AEN: variants seen among roughly 807,000 people sequenced by gnomAD.
The protein encoded by AEN is apoptosis enhancing nuclease.
In AEN, 21 loss-of-function variants were observed where a neutral mutation model predicts 17.7. The observed-to-expected ratio is 1.19, with a 90% CI of 0.84 to 1.71. The LOEUF (loss-of-function observed/expected upper bound fraction) is 1.71, where lower values mean the gene tolerates loss of function less well. Among genes scored for constraint, AEN ranks in the 40% most tolerant of loss-of-function variants. The pLI is 0.00. For synonymous variants in AEN, 190 were observed against 173.0 expected (o/e 1.10, Z -0.77); for missense variants, 462 against 435.9 (o/e 1.06, Z -0.53).
In AEN at chr15:88,630,088, G is replaced by T; in HGVS notation, c.772G>T (p.Asp258Tyr). 1 of 1,614,104 alleles carries T rather than the reference G, an allele frequency of 6.2e-7. No homozygotes were observed. The highest frequency in any genetic ancestry group is 8.5e-7 in the Non-Finnish European group (1 of 1,180,034). The change falls in exon 4 of 4, where the codon GAT (aspartate) becomes TAT (tyrosine). Residue 258 changes from aspartate to tyrosine, a missense_variant. Coordinates refer to ENST00000332810, the MANE Select transcript of AEN (RefSeq NM_022767.4). This position sits in a 1 kb window ranked among gnomAD's most constrained non-coding sequence, Gnocchi z 5.1. The stretch of plus-strand genomic sequence containing the variant: ...CCAGCACGGGCACTCATCAGTAGAA[G>T]ATGCCACGACAGCCATGGAGCTCTA... ...VGQHGHSSVE[D>Y]ATTAMELYRL... is the part of the protein sequence containing the mutation.
intron 1 of AEN, among the ~76,000 whole-genome samples, chr15:88,625,283 G>A (rs907524885): frequency 6.6e-6 from 1 of 152,186 alleles, no homozygotes; most frequent in Non-Finnish European, 1.5e-5. Context: ...ACTTTGGGAG[G>A]CCGAAGTGGG....
chr15:88,606,003 G>T, the AEN span, among the ~76,000 whole-genome samples: 1 of 152,244 alleles, frequency 6.6e-6, no homozygotes, highest in South Asian at 2.1e-4. Context: ...GGATTTAGGT[G>T]TGGGATTCTA....
chr15:88,623,370 C>T (rs2057811713), intron 1 of AEN, among the ~76,000 whole-genome samples: 1 of 152,118 alleles, frequency 6.6e-6, no homozygotes, highest in African/African-American at 2.4e-5. Flanking sequence ...CAAATGCTGG[C>T]ATCATCAAAC....
At chr15:88,608,415 G>A in the AEN span, among the ~76,000 whole-genome samples, 311 of 152,242 alleles carry the variant, frequency 2.0e-3, 1 homozygote, top group African/African-American at 7.2e-3. Flanking sequence ...CTTCATTTTA[G>A]GAGATACTGT....
intron 1 of AEN, among the ~76,000 whole-genome samples, chr15:88,623,649 A>G (rs1297889443): frequency 6.6e-6 from 1 of 152,192 alleles, no homozygotes; most frequent in African/African-American, 2.4e-5. Flanking sequence ...AGAGGGATGA[A>G]TTTCTTTGCT....
At chr15:88,621,466 T>C (rs1008656298) in intron 1 of AEN, 84 bp downstream of exon 1, 2 of 152,454 alleles carry the variant, frequency 1.3e-5, no homozygotes, top group African/African-American at 2.4e-5. Flanking sequence ...CCGCGCGTTG[T>C]TTCCGCCCCG....
chr15:88,628,405 G>A (rs1052793274), intron 2 of AEN: 1 of 152,278 alleles, frequency 6.6e-6, no homozygotes, highest in South Asian at 2.1e-4. Flanking sequence ...GAGGGCTAGA[G>A]GGGGTTGCTG....
intron 1 of AEN, among the ~76,000 whole-genome samples, chr15:88,625,308 C>T (rs2057837516): frequency 6.6e-6 from 1 of 152,024 alleles, no homozygotes; most frequent in Non-Finnish European, 1.5e-5. Flanking sequence ...TCACTTGAGC[C>T]CAGTTTAAGA....
At position 88,621,369 on chromosome 15, in the gene AEN, A is replaced by G. The variant is rs1264292346; in HGVS notation, c.-78A>G. ...ACGCCACGTGCAGACCGGAAGAGAC[A>G]CGCGGGGCTTCAGGTGAGATCCAGG... On this transcript the variant is annotated 5_prime_UTR_variant, in exon 1 of 4. Transcript: ENST00000332810. 1 of 152,258 alleles carries G rather than the reference A, an allele frequency of 6.6e-6. No individual in the cohort carries two copies. The highest frequency in any genetic ancestry group is 1.5e-5 in the Non-Finnish European group (1 of 68,066). 9.4% of individuals were successfully genotyped at this position (152,258 alleles called of 1,614,324 possible). A position where few individuals can be genotyped will look rare whatever the true frequency, so the allele number is the denominator to read the frequency against.
Position 88,630,050 on chromosome 15 carries a change from G to C in AEN, c.742-8G>C, listed in dbSNP as rs768958876. ...TGCAGGCAGTGATGTGTTGGCTCTC[G>C]TCAGTAGGTGGGCCAGCACGGGCAC... is the stretch of plus-strand genomic sequence containing the variant. On this transcript the variant is annotated splice_polypyrimidine_tract_variant and splice_region_variant and intron_variant, in intron 3 of 3. Transcript: ENST00000332810. The surrounding 1 kb of genome is among the most constrained non-coding windows in gnomAD (Gnocchi z 5.1). The C allele has an allele frequency of 6.2e-7, 1 of 1,613,698 alleles. No homozygotes were observed. Among genetic ancestry groups the C allele is most frequent in the Non-Finnish European group, 8.5e-7 (1 of 1,179,904 alleles).
At chr15:88,617,725 T>C (rs1049699115), upstream of AEN, among the ~76,000 whole-genome samples, 5 of 152,064 alleles carry the variant, frequency 3.3e-5, no homozygotes, top group African/African-American at 4.8e-5. Flanking sequence ...ACTCATGGAT[T>C]CCCCTCTATG....
the AEN span, among the ~76,000 whole-genome samples, chr15:88,612,532 A>G: frequency 6.6e-6 from 1 of 152,134 alleles, no homozygotes; most frequent in Admixed American, 6.5e-5. Flanking sequence ...TGGCAGGAAT[A>G]CAATTAGAAT....
At chr15:88,624,893 C>G (rs1004668719) in intron 1 of AEN, among the ~76,000 whole-genome samples, 6 of 78,534 alleles carry the variant, frequency 7.6e-5, no homozygotes, top group Non-Finnish European at 1.3e-4. Flanking sequence ...CAAAAAATGC[C>G]AAGTTAAACC....
In AEN at chr15:88,626,385, C is replaced by T; in HGVS notation, c.176C>T (p.Pro59Leu). 2.5e-6 allele frequency: 4 copies of T among 1,612,544 alleles called. No individual in the cohort carries two copies. The highest frequency in any genetic ancestry group is 2.2e-5 in the East Asian group (1 of 44,842). ...GGGCTGCTGAGCATGCCTCCAGAAC[C>T]AGGGTCCTCCCCACTGCCCACCCCT... is the stretch of plus-strand genomic sequence containing the variant. The part of the protein sequence containing the change: ...EQGLLSMPPE[P>L]GSSPLPTPFG... Residue 59 changes from proline (P) to leucine (L), a missense_variant, in exon 2 of 4, where the codon CCA becomes CTA. Pro to Leu is a moderately conservative substitution (Grantham distance 98). Coordinates refer to ENST00000332810, the MANE Select transcript of AEN (RefSeq NM_022767.4).
At chr15:88,625,868 C>T (rs548888106) in intron 1 of AEN, among the ~76,000 whole-genome samples, 67 of 152,296 alleles carry the variant, frequency 4.4e-4, no homozygotes, top group African/African-American at 1.6e-3. Flanking sequence ...CTCTGTGCCT[C>T]AGTTTCTTAC....
upstream of AEN, among the ~76,000 whole-genome samples, chr15:88,618,016 G>C (rs781751804): frequency 1.3e-5 from 2 of 151,960 alleles, no homozygotes; most frequent in South Asian, 4.1e-4. Flanking sequence ...TGTCACTCTC[G>C]TTCATCCCAC....
At chr15:88,608,432 C>A in the AEN span, among the ~76,000 whole-genome samples, 1 of 152,214 alleles carries the variant, frequency 6.6e-6, no homozygotes, top group Non-Finnish European at 1.5e-5. Flanking sequence ...CTGTGATCAT[C>A]TTTCCAAGTC....
At chr15:88,628,805 C>A in intron 2 of AEN, 1 of 170,908 alleles carries the variant, frequency 5.9e-6, no homozygotes, top group Non-Finnish European at 1.3e-5. Flanking sequence ...CAACATGGTC[C>A]CTGCACTCAC....
Position 88,629,211 on chromosome 15 carries a change from T to G in AEN, c.541-15T>G. 1 of 1,613,512 alleles carries G rather than the reference T, an allele frequency of 6.2e-7. No homozygotes were observed. Among genetic ancestry groups the G allele is most frequent in the Non-Finnish European group, 8.5e-7 (1 of 1,179,602 alleles). ...GGTGTGGGGTGACCTCCCTGACTCC[T>G]CTTTCTGCTCACAGATCCTTAAGCT... On this transcript the variant is annotated splice_polypyrimidine_tract_variant and intron_variant, in intron 2 of 3. Transcript: ENST00000332810.
Sources: gnomAD v4.1 joint callset for allele counts (sites outside exome capture counted in the v4.1 genomes callset) on GRCh38, gnomAD v4.1.1 for gene constraint, Gnocchi (gnomAD v3.1) non-coding constraint, MANE v1.5 for transcripts, NCBI Gene and HGNC (gene_info 2026-07-23, HGNC 2026-07-21) for gene names.